Variants in MALT1 observed in about 807,000 individuals in gnomAD.
MALT1 encodes the protein mucosa-associated lymphoid tissue lymphoma translocation protein 1.
In MALT1, 36 loss-of-function variants were observed where a neutral mutation model predicts 85.5. The ratio of observed to expected loss-of-function variants is 0.42; its 90% confidence interval spans 0.32 to 0.56. MALT1 has a LOEUF of 0.56. Ranked by LOEUF, MALT1 falls within the 20% of genes least tolerant of loss-of-function variation. The probability of loss-of-function intolerance (pLI) is 0.10; values close to 1 mark genes in which losing one functional copy is unlikely to be tolerated. For synonymous variants in MALT1, 359 were observed against 361.3 expected (o/e 0.99, Z 0.07); for missense variants, 716 against 981.6 (o/e 0.73, Z 3.62).
At chr18:58,707,318 A>C (rs1224542014) in intron 4 of MALT1, among the ~76,000 whole-genome samples, 1 of 149,942 alleles carries the variant, frequency 6.7e-6, no homozygotes, top group Non-Finnish European at 1.5e-5. Flanking sequence ...GTGAGTCTCT[A>C]TCTGATAATT....
At chr18:58,739,808 T>TACACACACAC (rs36038136) in intron 13 of MALT1, among the ~76,000 whole-genome samples, 1 of 150,878 alleles carries the variant, frequency 6.6e-6, no homozygotes, top group Non-Finnish European at 1.5e-5. Flanking sequence ...TGTACACACA[T>TACACACACAC]ACACACACAC....
intron 3 of MALT1, among the ~76,000 whole-genome samples, chr18:58,697,936 G>A (rs1196459972): frequency 3.3e-5 from 5 of 152,198 alleles, no homozygotes; most frequent in African/African-American, 1.2e-4. Flanking sequence ...GTTAATTCCT[G>A]TGAGTTAAGA....
rs560419333 is a variant in MALT1 at position 58,754,434 on chromosome 18, T to C, written c.*6592T>C. On this transcript the variant is annotated 3_prime_UTR_variant, in exon 17 of 17. Coordinates refer to ENST00000649217, the MANE Select transcript of MALT1 (RefSeq NM_006785.4). ...ACAGCAGGCTGTTCTGCTAGGGAAA[T>C]TGTTAATATTTTAAAAATATTTTCC... 2.6e-5 allele frequency: 4 copies of C among 152,348 alleles called. No individual in the cohort carries two copies. In the South Asian group the frequency reaches 8.3e-4, roughly 32 times the overall value. The allele number at this position is 152,348 out of a possible 1,614,324, so 9.4% of individuals were successfully genotyped here. A position where few individuals can be genotyped will look rare whatever the true frequency, so the allele number is the denominator to read the frequency against.
chr18:58,744,318 T>A lies in MALT1; in HGVS notation c.1754-20T>A, dbSNP rs747926743. ...ATCATCAGAAAACCTACCAAAGTTG[T>A]TCTTATTGTTCTTTTTCAGAACTTC... On this transcript the variant is annotated intron_variant, in intron 14 of 16. Coordinates refer to ENST00000649217, the MANE Select transcript of MALT1 (RefSeq NM_006785.4). The A allele has an allele frequency of 1.0e-5, 16 of 1,573,254 alleles. No homozygotes were observed. The highest frequency in any genetic ancestry group is 1.4e-5 in the African/African-American group (1 of 73,370).
intron 5 of MALT1, among the ~76,000 whole-genome samples, 198 bp from the exon 6 acceptor site, chr18:58,709,778 C>T (rs1465066271): frequency 6.6e-6 from 1 of 152,150 alleles, no homozygotes; most frequent in African/African-American, 2.4e-5. Context: ...AATAGTATTG[C>T]ATGAAACTCA....
Position 58,692,445 on chromosome 18 carries a change from C to CTCTCTCTCTCTCTCTCTCT in MALT1, c.377-3921_377-3920insTCTCTCTCTCTCTCTCTCT, listed in dbSNP as rs1568129469. Among the ~76,000 whole-genome samples, 33 of 28,418 alleles carry CTCTCTCTCTCTCTCTCTCT rather than the reference C, an allele frequency of 1.2e-3. 1 individual carries two copies. Among genetic ancestry groups the CTCTCTCTCTCTCTCTCTCT allele is most frequent in the East Asian group, 0.011 (16 of 1,494 alleles). The allele number at this position is 28,418 out of a possible 152,430, so 18.6% of individuals were successfully genotyped here. The stretch of plus-strand genomic sequence containing the variant: ...CTCTCTCTCTCTCTCTCACTCTCTC[C>CTCTCTCTCTCTCTCTCTCT]CTCCCTCCCTCCCTCCCTCCCTGTC... On this transcript the variant is annotated intron_variant, in intron 2 of 16. Coordinates refer to ENST00000649217, the MANE Select transcript of MALT1 (RefSeq NM_006785.4).
intron 2 of MALT1, chr18:58,690,567 C>T (rs111834276): frequency 3.8e-5 from 6 of 159,872 alleles, no homozygotes; most frequent in Admixed American, 6.5e-5. Context: ...GGGCTGCCAC[C>T]GCTGATCTTC....
In MALT1 at chr18:58,723,049, G is replaced by A. The variant is rs200131227; in HGVS notation, c.1020G>A (p.Ala340=). 1.1e-4 allele frequency: 173 copies of A among 1,596,368 alleles called. 3 individuals carry two copies. The highest frequency in any genetic ancestry group is 7.4e-4 in the South Asian group (65 of 87,970). ...ACCCCCTTTCTTTTTTTTTCAAAGCGAAGGACAAGGTTGCCCTTTTGATAG... is the reference window on the plus strand; with the variant it reads ...ACCCCCTTTCTTTTTTTTTCAAAGCAAAGGACAAGGTTGCCCTTTTGATAG... ...NKEQTTDQPL[A]KDKVALLIGN... is the part of the protein sequence containing the mutation. Residue 340 remains alanine (A), a splice_region_variant and synonymous_variant, in exon 10 of 17, where the codon GCG becomes GCA. Transcript: ENST00000649217.
intron 4 of MALT1, among the ~76,000 whole-genome samples, chr18:58,707,046 A>C (rs1213505039): frequency 6.6e-6 from 1 of 150,770 alleles, no homozygotes; most frequent in Non-Finnish European, 1.5e-5. Flanking sequence ...CCTTCACTTT[A>C]TCTCTTTTGT....
At chr18:58,683,079 A>G (rs2054346175) in intron 2 of MALT1, among the ~76,000 whole-genome samples, 1 of 152,192 alleles carries the variant, frequency 6.6e-6, no homozygotes, top group Non-Finnish European at 1.5e-5. Flanking sequence ...CTAAAGTGGT[A>G]TTTATTAATT....
chr18:58,750,055 A>G lies in MALT1; in HGVS notation c.*2213A>G, dbSNP rs555876984. 62 of 194,122 alleles carry G rather than the reference A, an allele frequency of 3.2e-4. No homozygotes were observed. Among genetic ancestry groups the G allele is most frequent in the Middle Eastern group, 1.8e-3 (1 of 546 alleles). The allele number at this position is 194,122 out of a possible 1,614,324, so 12.0% of individuals were successfully genotyped here. A position where few individuals can be genotyped will look rare whatever the true frequency, so the allele number is the denominator to read the frequency against. On this transcript the variant is annotated 3_prime_UTR_variant, in exon 17 of 17. Coordinates refer to ENST00000649217, the MANE Select transcript of MALT1 (RefSeq NM_006785.4). ...AGGTTTATACTGCAAAAGAAGTGAA[A>G]CTATATGTATTCACAGTTGATACAT...
chr18:58,694,727 A>G (rs2054562592), intron 2 of MALT1, among the ~76,000 whole-genome samples: 1 of 152,332 alleles, frequency 6.6e-6, no homozygotes, highest in East Asian at 1.9e-4. Flanking sequence ...GTAGTCCAGA[A>G]GTGGCTTAGC....
chr18:58,741,135 T>C (rs2055295792), intron 13 of MALT1, among the ~76,000 whole-genome samples: 1 of 152,178 alleles, frequency 6.6e-6, no homozygotes, highest in Non-Finnish European at 1.5e-5. Context: ...AAACATTTCA[T>C]GTCATTCTGC....
chr18:58,691,417 T>C lies in MALT1; in HGVS notation c.377-4949T>C, dbSNP rs529676743. 92 of 501,012 alleles carry C rather than the reference T, an allele frequency of 1.8e-4. 1 individual carries two copies. Among genetic ancestry groups the C allele is most frequent in the South Asian group, 1.6e-3 (90 of 54,998 alleles). 31.0% of individuals were successfully genotyped at this position (501,012 alleles called of 1,614,324 possible). On this transcript the variant is annotated intron_variant, in intron 2 of 16. Transcript: ENST00000649217. ...GACACCAAGATCTCGGAGCAGCCCG[T>C]GGTTGTGCAGAGTACATGCACAGAC...
intron 13 of MALT1, among the ~76,000 whole-genome samples, chr18:58,736,130 AAAAT>A (rs1220431072): frequency 6.6e-6 from 1 of 152,192 alleles, no homozygotes; most frequent in African/African-American, 2.4e-5. Context: ...TTCAAAATAA[AAAAT>A]AAAAATAAAA....
At position 58,748,103 on chromosome 18, in the gene MALT1, A is replaced by G; in HGVS notation, c.*261A>G. On this transcript the variant is annotated 3_prime_UTR_variant, in exon 17 of 17. Coordinates refer to ENST00000649217, the MANE Select transcript of MALT1 (RefSeq NM_006785.4). Reference sequence around the variant, plus strand: ...AGGTGTGTATGTTTATATGTATATAACAAAATATTTTCATTGTGACCACTC... The same window carrying G: ...AGGTGTGTATGTTTATATGTATATAGCAAAATATTTTCATTGTGACCACTC... 1.7e-5 allele frequency: 7 copies of G among 410,428 alleles called. No homozygotes were observed. In the South Asian group the frequency reaches 2.1e-4, roughly 12 times the overall value. The allele number at this position is 410,428 out of a possible 1,614,324, so 25.4% of individuals were successfully genotyped here.
chr18:58,696,602 A>C, intron 3 of MALT1, 115 bp downstream of exon 3: 1 of 815,110 alleles, frequency 1.2e-6, no homozygotes, highest in Non-Finnish European at 1.8e-6. Context: ...TCTGATAGAC[A>C]TTGCTAGGTT....
In MALT1 at chr18:58,748,210, A is replaced by G. The variant is rs186691270; in HGVS notation, c.*368A>G. On this transcript the variant is annotated 3_prime_UTR_variant, in exon 17 of 17. Coordinates refer to ENST00000649217, the MANE Select transcript of MALT1 (RefSeq NM_006785.4). The stretch of plus-strand genomic sequence containing the variant: ...ACCAGAAAGAACCTTGCCGATCACC[A>G]GGCATAACCTAATTTTATCCATGGA... 491 of 256,510 alleles carry G rather than the reference A, an allele frequency of 1.9e-3. 1 individual carries two copies. The highest frequency in any genetic ancestry group is 8.8e-3 in the African/African-American group (399 of 45,146). 15.9% of individuals were successfully genotyped at this position (256,510 alleles called of 1,614,324 possible). A position where few individuals can be genotyped will look rare whatever the true frequency, so the allele number is the denominator to read the frequency against.
In MALT1 at chr18:58,720,224, C is replaced by G. The variant is rs528840702; in HGVS notation, c.1019-2824C>G. ...AAAAACTCTTTCATTTATGTTATCA[C>G]TTGAAAACCATTATAAATTGCTTTA... On this transcript the variant is annotated intron_variant, in intron 9 of 16. Transcript: ENST00000649217. Among the ~76,000 whole-genome samples the G allele has an allele frequency of 2.0e-5, 3 of 152,324 alleles. No homozygotes were observed. The East Asian group carries it at 5.8e-4, about 29-fold the overall frequency.
Sources: gnomAD v4.1 joint callset for allele counts (sites outside exome capture counted in the v4.1 genomes callset) on GRCh38, gnomAD v4.1.1 for gene constraint, MANE v1.5 for transcripts, NCBI Gene and HGNC (gene_info 2026-07-23, HGNC 2026-07-21) for gene names.